The following KSR2 variants were observed in gnomAD, a reference collection of about 807,000 sequenced individuals.
KSR2 encodes kinase suppressor of ras 2.
A neutral mutation model predicts 107.8 loss-of-function variants in KSR2; 25 were observed. The observed-to-expected ratio is 0.23, with a 90% CI of 0.17 to 0.32. KSR2 has a LOEUF of 0.32. Ranked by LOEUF, KSR2 falls within the 10% of genes least tolerant of loss-of-function variation. The probability of loss-of-function intolerance (pLI) is 1.00; values close to 1 mark genes in which losing one functional copy is unlikely to be tolerated. For missense variants in KSR2, 887 were observed against 1,268.9 expected, an observed-to-expected ratio of 0.70 and a Z score of 4.57; for synonymous variants, 480 against 507.0, an observed-to-expected ratio of 0.95 and a Z score of 0.71.
chr12:117,574,748 C>T (rs1406731490), intron 7 of KSR2, among the ~76,000 whole-genome samples: 4 of 152,004 alleles, frequency 2.6e-5, no homozygotes, highest in Non-Finnish European at 5.9e-5. Context: ...CTGGAGTGGG[C>T]CCCAAGAATG....
chr12:117,571,155 G>A (rs1878869863), intron 7 of KSR2, among the ~76,000 whole-genome samples: 1 of 152,170 alleles, frequency 6.6e-6, no homozygotes, highest in Non-Finnish European at 1.5e-5. Flanking sequence ...CTACTCAGGA[G>A]GCGGAGGCGG....
At chr12:117,962,050 C>T (rs941445876) in intron 1 of KSR2, among the ~76,000 whole-genome samples, 1 of 149,058 alleles carries the variant, frequency 6.7e-6, no homozygotes, top group African/African-American at 2.5e-5. Flanking sequence ...GAGGCTGAGA[C>T]AGGAGGATCG....
intron 3 of KSR2, among the ~76,000 whole-genome samples, chr12:117,776,940 G>T (rs1013853624): frequency 6.6e-6 from 1 of 151,780 alleles, no homozygotes; most frequent in South Asian, 2.1e-4. Flanking sequence ...TGCAAATACT[G>T]AATTGGCAAA....
At chr12:117,708,651 AACT>A (rs1886625469) in intron 4 of KSR2, among the ~76,000 whole-genome samples, 1 of 152,170 alleles carries the variant, frequency 6.6e-6, no homozygotes, top group African/African-American at 2.4e-5. Context: ...GGCTGAAAAC[AACT>A]GCCTTGCCCA....
At chr12:117,499,594 G>A (rs985598725) in intron 14 of KSR2, among the ~76,000 whole-genome samples, 2 of 152,164 alleles carry the variant, frequency 1.3e-5, no homozygotes, top group South Asian at 2.1e-4. Context: ...GTTACTCTGC[G>A]AGGAGAGGAA....
chr12:117,967,452 C>T lies in KSR2; in HGVS notation c.180+624G>A, dbSNP rs147069584. Among the ~76,000 whole-genome samples, 18 of 152,044 alleles carry T rather than the reference C, an allele frequency of 1.2e-4. 1 individual carries two copies. The East Asian group carries it at 3.3e-3, about 28-fold the overall frequency. ...CCTGCAACAGCTCACTGCATCAAAACGATTGGATTGGAAATGGGTAGTTCC... is the reference window on the plus strand; with the variant it reads ...CCTGCAACAGCTCACTGCATCAAAATGATTGGATTGGAAATGGGTAGTTCC... On this transcript the variant is annotated intron_variant, in intron 1 of 19. Coordinates refer to ENST00000339824, the MANE Select transcript of KSR2 (RefSeq NM_173598.6).
chr12:117,920,222 C>T (rs577605732), intron 1 of KSR2, among the ~76,000 whole-genome samples: 1 of 152,066 alleles, frequency 6.6e-6, no homozygotes, highest in Non-Finnish European at 1.5e-5. Context: ...CCTCAGCTTC[C>T]CAAGTAGCTG....
chr12:117,923,014 T>A (rs1895389723), intron 1 of KSR2, among the ~76,000 whole-genome samples: 1 of 152,182 alleles, frequency 6.6e-6, no homozygotes, highest in African/African-American at 2.4e-5. Flanking sequence ...TCTACCTTAC[T>A]TCATATTTTT....
At chr12:117,536,127 G>T (rs1876037582) in intron 10 of KSR2, among the ~76,000 whole-genome samples, 1 of 152,080 alleles carries the variant, frequency 6.6e-6, no homozygotes. Context: ...TAAATGGCTG[G>T]TCAACCCCCC....
At chr12:117,657,300 G>A (rs1196671343) in intron 5 of KSR2, among the ~76,000 whole-genome samples, 2 of 152,068 alleles carry the variant, frequency 1.3e-5, no homozygotes, top group Non-Finnish European at 1.5e-5. Context: ...CCTAAAAACA[G>A]CAGGGCTGAG....
chr12:117,550,513 C>T (rs923497924), intron 9 of KSR2, among the ~76,000 whole-genome samples: 39 of 152,232 alleles, frequency 2.6e-4, no homozygotes, highest in Non-Finnish European at 5.3e-4. Flanking sequence ...GATCATAGGC[C>T]AGAGCATAAT....
At chr12:117,523,566 C>A (rs745816658) in intron 14 of KSR2, among the ~76,000 whole-genome samples, 9 of 152,224 alleles carry the variant, frequency 5.9e-5, no homozygotes, top group Non-Finnish European at 1.3e-4. Context: ...AACATTTTCG[C>A]AATGTTAGTT....
intron 14 of KSR2, among the ~76,000 whole-genome samples, chr12:117,510,351 A>G (rs548143418): frequency 6.6e-6 from 1 of 152,302 alleles, no homozygotes; most frequent in African/African-American, 2.4e-5. Flanking sequence ...GTTTTGCCTA[A>G]CCACCTAGAG....
intron 3 of KSR2, among the ~76,000 whole-genome samples, chr12:117,834,750 T>C (rs1892129943): frequency 1.3e-5 from 2 of 152,130 alleles, no homozygotes; most frequent in Non-Finnish European, 2.9e-5. Context: ...ACTAATACCA[T>C]GCACTGAGTA....
chr12:117,844,365 G>T lies in KSR2; in HGVS notation c.472+11063C>A, dbSNP rs1452542641. ...CCTGAGCCCAGGGAATTATGATGAT[G>T]AAACTATACCCTAAAGAGTTAATGA... is the stretch of plus-strand genomic sequence containing the variant. On this transcript the variant is annotated intron_variant, in intron 3 of 19. Coordinates refer to ENST00000339824, the MANE Select transcript of KSR2 (RefSeq NM_173598.6). Among the ~76,000 whole-genome samples the T allele has an allele frequency of 2.0e-5, 3 of 151,780 alleles. No homozygotes were observed. In the East Asian group the frequency reaches 5.8e-4, roughly 29 times the overall value.
intron 12 of KSR2, among the ~76,000 whole-genome samples, chr12:117,528,071 C>T (rs935532491): frequency 3.3e-5 from 5 of 151,264 alleles, no homozygotes; most frequent in African/African-American, 4.9e-5. Context: ...GCTGGCGGGG[C>T]GTCACAATTT....
chr12:117,883,635 C>T (rs911124374), intron 1 of KSR2, among the ~76,000 whole-genome samples: 41 of 152,128 alleles, frequency 2.7e-4, no homozygotes, highest in African/African-American at 9.4e-4. Context: ...TGGGAAAGCA[C>T]TTGGTATGTT....
chr12:117,650,503 C>A (rs573045003), intron 5 of KSR2, among the ~76,000 whole-genome samples: 1 of 152,276 alleles, frequency 6.6e-6, no homozygotes, highest in African/African-American at 2.4e-5. Context: ...GGAGTTCTTT[C>A]ATTGATTTGG....
Position 117,968,885 on chromosome 12 carries a change from TC to T in KSR2, c.-631del. ...GCTACTGCGGCTGGCTGCTGTCTCC[TC>T]CCCGCGCTGCTGCTGCTGCTGCTGC... is the stretch of plus-strand genomic sequence containing the variant. On this transcript the variant is annotated 5_prime_UTR_variant, in exon 1 of 20. An upstream open reading frame in the 5' UTR gains an earlier in-frame stop. Transcript: ENST00000339824. 1 of 247,426 alleles carries T rather than the reference TC, an allele frequency of 4.0e-6. No homozygotes were observed. The highest frequency in any genetic ancestry group is 8.0e-6 in the Non-Finnish European group (1 of 124,678). The allele number at this position is 247,426 out of a possible 1,614,324, so 15.3% of individuals were successfully genotyped here. A position where few individuals can be genotyped will look rare whatever the true frequency, so the allele number is the denominator to read the frequency against.
Sources: gnomAD v4.1 joint callset for allele counts (sites outside exome capture counted in the v4.1 genomes callset) on GRCh38, gnomAD v4.1.1 for gene constraint, MANE v1.5 for transcripts, NCBI Gene and HGNC (gene_info 2026-07-23, HGNC 2026-07-21) for gene names.